Variants in DENND2B observed in about 807,000 individuals in gnomAD.
DENND2B encodes the protein DENN domain-containing protein 2B.
A neutral mutation model predicts 116.0 loss-of-function variants in DENND2B; 32 were observed. The observed-to-expected ratio is 0.28, with a 90% CI of 0.21 to 0.37. The LOEUF (loss-of-function observed/expected upper bound fraction) is 0.37. DENND2B is among the 10% of genes least tolerant of loss of function. The pLI is 1.00. For synonymous variants in DENND2B, 588 were observed against 583.9 expected (o/e 1.01, Z -0.10); for missense variants, 1,276 against 1,477.7 (o/e 0.86, Z 2.24).
intron 3 of DENND2B, among the ~76,000 whole-genome samples, chr11:8,841,418 C>T (rs1050484687): frequency 6.6e-6 from 1 of 152,110 alleles, no homozygotes; most frequent in Non-Finnish European, 1.5e-5. Flanking sequence ...CTTGGAGGAT[C>T]GCTTGAGCTC....
intron 4 of DENND2B, among the ~76,000 whole-genome samples, chr11:8,834,904 T>C (rs1190643155): frequency 6.6e-6 from 1 of 152,116 alleles, no homozygotes; most frequent in African/African-American, 2.4e-5. Context: ...CACAAAACAA[T>C]ACCTCTGTAA....
chr11:8,754,576 T>C (rs1207834880), intron 1 of DENND2B, among the ~76,000 whole-genome samples: 1 of 152,242 alleles, frequency 6.6e-6, no homozygotes, highest in Non-Finnish European at 1.5e-5. Context: ...CCTAGGTATC[T>C]GTTCAGAAGA....
At chr11:8,832,376 G>A (rs564507843) in intron 4 of DENND2B, among the ~76,000 whole-genome samples, 60 of 151,714 alleles carry the variant, frequency 4.0e-4, no homozygotes, top group African/African-American at 1.3e-3. Context: ...TGCTTGGACC[G>A]GGGAGGCGGA....
chr11:8,776,634 A>C, intron 1 of DENND2B: 1 of 194,706 alleles, frequency 5.1e-6, no homozygotes, highest in South Asian at 1.1e-4. Context: ...ACCTTTCAAG[A>C]CTTCAACCTT....
chr11:8,751,712 G>A (rs549692132), intron 1 of DENND2B, among the ~76,000 whole-genome samples: 4 of 152,136 alleles, frequency 2.6e-5, no homozygotes, highest in South Asian at 4.2e-4. Flanking sequence ...CACCAATTCC[G>A]GACACAATTT....
At chr11:8,895,303 G>C (rs908728105) in intron 1 of DENND2B, among the ~76,000 whole-genome samples, 2 of 152,072 alleles carry the variant, frequency 1.3e-5, no homozygotes, top group African/African-American at 2.4e-5. Context: ...TGTAAATGAC[G>C]AGTTAATGGG....
intron 4 of DENND2B, chr11:8,719,239 C>T (rs186723466): frequency 2.0e-6 from 2 of 985,424 alleles, no homozygotes; most frequent in Non-Finnish European, 1.2e-6. Context: ...CTTGCAGATT[C>T]CTCCATTTCC....
Position 8,711,237 on chromosome 11 carries a change from G to A in DENND2B, c.2173-6C>T, listed in dbSNP as rs754744523. On this transcript the variant is annotated splice_polypyrimidine_tract_variant and splice_region_variant and intron_variant, in intron 9 of 19. Coordinates refer to ENST00000313726, the MANE Select transcript of DENND2B (RefSeq NM_213618.2). ...TGCTTGGTGGGTCGGTCCAGCTGCAGGGAAGAAGGAACCAGGAGATGACAT... is the reference window on the plus strand; with the variant it reads ...TGCTTGGTGGGTCGGTCCAGCTGCAAGGAAGAAGGAACCAGGAGATGACAT... The A allele has an allele frequency of 2.5e-6, 4 of 1,613,248 alleles. No individual in the cohort carries two copies. The highest frequency in any genetic ancestry group is 1.1e-5 in the South Asian group (1 of 91,076).
intron 1 of DENND2B, among the ~76,000 whole-genome samples, chr11:8,786,107 C>G (rs1186329469): frequency 6.6e-6 from 1 of 152,148 alleles, no homozygotes; most frequent in African/African-American, 2.4e-5. Flanking sequence ...ATCCATGCCC[C>G]TGCATATTTT....
chr11:8,791,994 CA>C (rs34436664), intron 1 of DENND2B, among the ~76,000 whole-genome samples: 140,200 of 152,150 alleles, frequency 0.92, 65,583 homozygotes, highest in Non-Finnish European at 1. Context: ...CACCTGAGGT[CA>C]AGGAGTTCAA....
At position 8,717,780 on chromosome 11, in the gene DENND2B, C is replaced by G. The variant is rs1459005525; in HGVS notation, c.1590G>C (p.Trp530Cys). Residue 530 changes from tryptophan (W) to cysteine (C), a missense_variant, in exon 5 of 20, where the codon TGG becomes TGC. Trp to Cys is a radical substitution (Grantham distance 215, BLOSUM62 -2). This residue lies in a region of DENND2B where 856 missense variants were observed against 846.6 expected (regional missense o/e 1.01). Coordinates refer to ENST00000313726, the MANE Select transcript of DENND2B (RefSeq NM_213618.2). ...TGTTGTACTTCCTGTCCTGAGGACT[C>G]CACATCCTGTGCAAAGAGTCCAAGG... Reference protein sequence around the residue: ...ENSLDSLHRMWSPQDRKYNSP... With the variant: ...ENSLDSLHRMCSPQDRKYNSP... 3.7e-6 allele frequency: 6 copies of G among 1,607,190 alleles called. No homozygotes were observed. The highest frequency in any genetic ancestry group is 5.1e-6 in the Non-Finnish European group (6 of 1,175,408).
At chr11:8,802,700 G>A (rs1050223414) in intron 1 of DENND2B, among the ~76,000 whole-genome samples, 5 of 152,076 alleles carry the variant, frequency 3.3e-5, no homozygotes, top group Admixed American at 6.6e-5. Context: ...GGCATTTTTC[G>A]CCACTGAGAA....
intron 1 of DENND2B, among the ~76,000 whole-genome samples, chr11:8,774,650 A>G (rs2057372908): frequency 6.6e-6 from 1 of 152,098 alleles, no homozygotes. Context: ...GATAAACTAC[A>G]AATCCACAAG....
intron 3 of DENND2B, among the ~76,000 whole-genome samples, chr11:8,852,612 G>A (rs1006969972): frequency 3.3e-5 from 5 of 152,190 alleles, no homozygotes; most frequent in Admixed American, 6.5e-5. Flanking sequence ...CATCTTGATC[G>A]GAGTGGTAGT....
chr11:8,821,170 A>C (rs575529636), intron 4 of DENND2B, among the ~76,000 whole-genome samples: 36 of 151,646 alleles, frequency 2.4e-4, no homozygotes, highest in Non-Finnish European at 4.6e-4. Context: ...AAATTTAAAA[A>C]ATTTAAAAGA....
At chr11:8,823,011 T>C (rs1272764584) in intron 4 of DENND2B, among the ~76,000 whole-genome samples, 1 of 152,152 alleles carries the variant, frequency 6.6e-6, no homozygotes, top group Non-Finnish European at 1.5e-5. Flanking sequence ...GTTAATGAGG[T>C]TACTATATAA....
At chr11:8,741,876 C>T (rs137945399) in intron 2 of DENND2B, among the ~76,000 whole-genome samples, 7 of 152,218 alleles carry the variant, frequency 4.6e-5, no homozygotes, top group African/African-American at 1.7e-4. Context: ...AGCCCCACCA[C>T]AAGCCTTGAA....
chr11:8,707,949 G>A lies in DENND2B; in HGVS notation c.2353-95C>T, dbSNP rs2042910464. On this transcript the variant is annotated intron_variant, in intron 11 of 19. Transcript: ENST00000313726. The surrounding 1 kb of genome is among the most constrained non-coding windows in gnomAD (Gnocchi z 4.8). Reference sequence around the variant, plus strand: ...TTTTCCTTGGGAACGGAGGAGTAAGGACTGCCCTTCTAGTGGAGGAAGACT... The same window carrying A: ...TTTTCCTTGGGAACGGAGGAGTAAGAACTGCCCTTCTAGTGGAGGAAGACT... 1 of 1,542,548 alleles carries A rather than the reference G, an allele frequency of 6.5e-7. No individual in the cohort carries two copies. Among genetic ancestry groups the A allele is most frequent in the East Asian group, 2.4e-5 (1 of 41,232 alleles).
Position 8,712,043 on chromosome 11 carries a change from G to C in DENND2B, c.2172+508C>G. 2.2e-6 allele frequency: 1 copy of C among 455,134 alleles called. No individual in the cohort carries two copies. The highest frequency in any genetic ancestry group is 1.6e-5 in the South Asian group (1 of 64,486). The allele number at this position is 455,134 out of a possible 1,614,324, so 28.2% of individuals were successfully genotyped here. ...AGCTGGAGAAAGCACATTCCTGGCA[G>C]AGGCAATGGCAGAGAGAGAGGGGTT... On this transcript the variant is annotated intron_variant, in intron 9 of 19. Transcript: ENST00000313726. The surrounding 1 kb of genome is among the most constrained non-coding windows in gnomAD (Gnocchi z 4.4).
Sources: gnomAD v4.1 joint callset for allele counts (sites outside exome capture counted in the v4.1 genomes callset) on GRCh38, gnomAD v4.1.1 for gene constraint, gnomAD v4.1.1 regional missense constraint, Gnocchi (gnomAD v3.1) non-coding constraint, MANE v1.5 for transcripts, NCBI Gene and HGNC (gene_info 2026-07-23, HGNC 2026-07-21) for gene names.